USP34: variants seen among roughly 807,000 people sequenced by gnomAD.
The protein encoded by USP34 is ubiquitin specific peptidase 34, also known as ubiquitin carboxyl-terminal hydrolase 34.
A neutral mutation model predicts 460.3 loss-of-function variants in USP34; 70 were observed. The ratio of observed to expected loss-of-function variants is 0.15; its 90% CI spans 0.13 to 0.19. USP34 has a LOEUF of 0.19. Among genes scored for constraint, USP34 ranks in the 10% least tolerant of loss-of-function variants. The pLI is 1.00. For synonymous variants in USP34, 1,647 were observed against 1,405.3 expected (o/e 1.17, Z -3.85); for missense variants, 3,985 against 4,236.2 (o/e 0.94, Z 1.65).
chr2:61,240,813 A>T (rs553770210), intron 53 of USP34, among the ~76,000 whole-genome samples: 1 of 151,742 alleles, frequency 6.6e-6, no homozygotes, highest in East Asian at 1.9e-4. Context: ...GCCTCACGTG[A>T]TCCACCTGTC....
intron 44 of USP34, 26 bp downstream of exon 44, chr2:61,259,685 C>G (rs1326541221): frequency 3.7e-6 from 6 of 1,608,418 alleles, no homozygotes; most frequent in Non-Finnish European, 5.1e-6. Flanking sequence ...AGTGCCTGGC[C>G]TAGCCTCCAT....
chr2:61,306,011 T>C (rs1282177367), intron 27 of USP34, among the ~76,000 whole-genome samples: 1 of 152,174 alleles, frequency 6.6e-6, no homozygotes, highest in Non-Finnish European at 1.5e-5. Context: ...ATTGCAAAAA[T>C]TTCCTCCCAT....
At chr2:61,440,387 C>T (rs896026701) in intron 1 of USP34, among the ~76,000 whole-genome samples, 1 of 152,152 alleles carries the variant, frequency 6.6e-6, no homozygotes, top group Admixed American at 6.6e-5. Flanking sequence ...AATGTCATGG[C>T]AGCTGTGCCC....
At chr2:61,284,754 G>A in intron 35 of USP34, 121 bp downstream of exon 35, 1 of 700,170 alleles carries the variant, frequency 1.4e-6, no homozygotes, top group Non-Finnish European at 2.3e-6. Context: ...GAAGGTATGA[G>A]AGATTTCATC....
intron 76 of USP34, 29 bp from the exon 77 acceptor site, chr2:61,190,687 T>G: frequency 6.3e-7 from 1 of 1,597,338 alleles, no homozygotes; most frequent in Non-Finnish European, 8.5e-7. Flanking sequence ...GGTTGAGCAC[T>G]TACGGTTGAG....
chr2:61,398,226 G>T (rs555398125), intron 3 of USP34, among the ~76,000 whole-genome samples: 2 of 152,010 alleles, frequency 1.3e-5, no homozygotes, highest in African/African-American at 2.4e-5. Context: ...AATTAGCCAG[G>T]CATGGTGGTG....
chr2:61,325,259 C>T, intron 21 of USP34, 116 bp downstream of exon 21: 2 of 645,738 alleles, frequency 3.1e-6, no homozygotes, highest in South Asian at 2.5e-5. Flanking sequence ...CCCACTGACT[C>T]TAAAATTAAA....
At chr2:61,430,721 AC>A (rs1342331504) in intron 1 of USP34, among the ~76,000 whole-genome samples, 1 of 152,214 alleles carries the variant, frequency 6.6e-6, no homozygotes, top group Non-Finnish European at 1.5e-5. Context: ...ATTTTTTAAA[AC>A]TGAGAATATA....
chr2:61,415,132 C>G (rs1487041319), intron 2 of USP34, among the ~76,000 whole-genome samples: 2 of 152,032 alleles, frequency 1.3e-5, no homozygotes, highest in Admixed American at 6.6e-5. Flanking sequence ...GTGAATTGGC[C>G]TTAGGTTCCC....
chr2:61,346,646 G>A lies in USP34; in HGVS notation c.2285+1224C>T, dbSNP rs560101810. Among the ~76,000 whole-genome samples, 15 of 139,180 alleles carry A rather than the reference G, an allele frequency of 1.1e-4. No individual in the cohort carries two copies. The East Asian group carries it at 3.3e-3, about 31-fold the overall frequency. The allele number at this position is 139,180 out of a possible 152,430, so 91.3% of individuals were successfully genotyped here. A position where few individuals can be genotyped will look rare whatever the true frequency, so the allele number is the denominator to read the frequency against. On this transcript the variant is annotated intron_variant, in intron 15 of 79. Coordinates refer to ENST00000398571, the MANE Select transcript of USP34 (RefSeq NM_014709.4). The stretch of plus-strand genomic sequence containing the variant: ...TCAAGACCAGCCTGGCCAATATGGT[G>A]AAACCCCATCCTACTAAAAATACAA...
chr2:61,450,316 T>C (rs1305347844), intron 1 of USP34, among the ~76,000 whole-genome samples: 1 of 152,150 alleles, frequency 6.6e-6, no homozygotes, highest in Non-Finnish European at 1.5e-5. Context: ...TGCTAAAAGG[T>C]AGGGGAATCC....
rs147582734 is a variant in USP34, at chr2:61,397,862, G to A, written c.553-2629C>T. Among the ~76,000 whole-genome samples the A allele has an allele frequency of 5.1e-3, 779 of 151,334 alleles. 5 individuals carry two copies. The highest frequency in any genetic ancestry group is 0.018 in the African/African-American group (737 of 41,198). The stretch of plus-strand genomic sequence containing the variant: ...TGCAGTGAGCTGAGATCGTGCCACT[G>A]AACTCCAGTCTGGGTGACAAAGCAA... On this transcript the variant is annotated intron_variant, in intron 3 of 79. Transcript: ENST00000398571.
At chr2:61,340,441 C>A (rs1385473441) in intron 16 of USP34, among the ~76,000 whole-genome samples, 1 of 152,174 alleles carries the variant, frequency 6.6e-6, no homozygotes, top group Non-Finnish European at 1.5e-5. Context: ...ATCACTGAGT[C>A]ATAAGGTATT....
chr2:61,288,665 T>C lies in USP34; in HGVS notation c.4749+12A>G. On this transcript the variant is annotated intron_variant, in intron 34 of 79. Transcript: ENST00000398571. ...TGGAATTCATCATTAAACATTAATT[T>C]CTGCACTTTACCTCTGTTAATCGTG... 1.2e-6 allele frequency: 2 copies of C among 1,612,206 alleles called. No individual in the cohort carries two copies. Among genetic ancestry groups the C allele is most frequent in the Non-Finnish European group, 1.7e-6 (2 of 1,178,892 alleles).
intron 51 of USP34, among the ~76,000 whole-genome samples, chr2:61,243,114 G>A (rs1323733209): frequency 6.6e-6 from 1 of 151,936 alleles, no homozygotes; most frequent in Admixed American, 6.6e-5. Context: ...CCAAAGTGCT[G>A]AGATTACAGG....
intron 12 of USP34, among the ~76,000 whole-genome samples, chr2:61,349,524 C>G (rs1405307018): frequency 6.6e-6 from 1 of 152,020 alleles, no homozygotes; most frequent in Non-Finnish European, 1.5e-5. Flanking sequence ...TCAGAAAGCC[C>G]TTGAAAGCTA....
chr2:61,225,612 A>C (rs550289504), intron 62 of USP34, among the ~76,000 whole-genome samples: 2 of 152,180 alleles, frequency 1.3e-5, no homozygotes, highest in Non-Finnish European at 2.9e-5. Context: ...TTTATAGTCA[A>C]TTCTTGTATT....
intron 68 of USP34, among the ~76,000 whole-genome samples, chr2:61,213,530 G>A (rs74548090): frequency 6.6e-6 from 1 of 152,300 alleles, no homozygotes; most frequent in East Asian, 1.9e-4. Context: ...AAACCTACAA[G>A]TAAGTGTGCA....
Position 61,221,556 on chromosome 2 carries a change from A to G in USP34, c.7845T>C (p.Gly2615=). The part of the protein sequence containing the change: ...KLLTMLMEFA[G]GPPGMPPFAS... ...CAAAGGGAGGCATTCCTGGAGGTCC[A>G]CCAGCAAACTCCATTAGCATAGTCA... Residue 2615 remains glycine, a synonymous_variant, in exon 66 of 80, where the codon GGT becomes GGC. Coordinates refer to ENST00000398571, the MANE Select transcript of USP34 (RefSeq NM_014709.4). The G allele has an allele frequency of 6.2e-7, 1 of 1,614,136 alleles. No individual in the cohort carries two copies. The highest frequency in any genetic ancestry group is 8.5e-7 in the Non-Finnish European group (1 of 1,179,972).
Sources: allele counts gnomAD v4.1 joint callset (sites outside exome capture counted in the v4.1 genomes callset), GRCh38; gene constraint gnomAD v4.1.1; transcripts MANE v1.5; gene names NCBI Gene and HGNC (gene_info 2026-07-23, HGNC 2026-07-21).